TIAM2: variants seen among roughly 807,000 people sequenced by gnomAD.
The protein encoded by TIAM2 is rho guanine nucleotide exchange factor TIAM2.
Under a neutral mutation model 152.9 loss-of-function variants are expected in TIAM2, and 80 were observed. The observed-to-expected ratio is 0.52, with a 90% CI of 0.44 to 0.63. The LOEUF is 0.63. Ranked by LOEUF, TIAM2 falls within the 30% of genes least tolerant of loss-of-function variation. The probability of loss-of-function intolerance (pLI) is 0.00; values close to 1 mark genes in which losing one functional copy is unlikely to be tolerated. For synonymous variants in TIAM2, 804 were observed against 838.0 expected, an observed-to-expected ratio of 0.96 and a Z score of 0.70; for missense variants, 1,965 against 2,120.1, an observed-to-expected ratio of 0.93 and a Z score of 1.44.
rs566446238 is a variant in TIAM2, at chr6:155,252,965, T to C, written c.4137T>C (p.Pro1379=). Residue 1379 remains proline, a synonymous_variant, in exon 24 of 27, where the codon CCT becomes CCC. Transcript: ENST00000682666. Reference sequence around the variant, plus strand: ...TGTTACAGCCCTCGAATTCCCGGCCTGCACACAACTCTACTGACTTGGACC... The same window carrying C: ...TGTTACAGCCCTCGAATTCCCGGCCCGCACACAACTCTACTGACTTGGACC... ...LKKKLPSNSR[P]AHNSTDLDPF... is the part of the protein sequence containing the mutation. The C allele has an allele frequency of 3.7e-6, 6 of 1,614,194 alleles. No individual in the cohort carries two copies. The Admixed American group carries it at 1.0e-4, about 27-fold the overall frequency.
intron 8 of TIAM2, 50 bp downstream of exon 8, chr6:155,164,650 A>T (rs759766673): frequency 6.4e-6 from 10 of 1,560,958 alleles, no homozygotes; most frequent in Non-Finnish European, 2.6e-6. Context: ...AGGGCTGCGG[A>T]TGCTCCCCCT....
chr6:155,014,448 C>CT (rs968987013), intron 1 of TIAM2, among the ~76,000 whole-genome samples: 2 of 151,972 alleles, frequency 1.3e-5, no homozygotes, highest in African/African-American at 2.4e-5. Flanking sequence ...CACCGTAGTG[C>CT]TTTTTTTTCT....
At chr6:155,224,147 T>C (rs1782159308) in intron 15 of TIAM2, among the ~76,000 whole-genome samples, 2 of 152,190 alleles carry the variant, frequency 1.3e-5, no homozygotes, top group Admixed American at 1.3e-4. Flanking sequence ...ATGAAAACCT[T>C]GTACTGAGTG....
intron 2 of TIAM2, among the ~76,000 whole-genome samples, chr6:155,103,812 C>G (rs1032198610): frequency 2.0e-5 from 3 of 148,086 alleles, no homozygotes; most frequent in Non-Finnish European, 4.5e-5. Context: ...TTTTTTTGCT[C>G]TCTGATACAT....
At chr6:155,222,618 A>C (rs11754105) in intron 15 of TIAM2, among the ~76,000 whole-genome samples, 34,750 of 70,362 alleles carry the variant, frequency 0.49, 4,937 homozygotes, top group East Asian at 0.67. Context: ...AAAAACAAAC[A>C]AAAAAAAAAA....
chr6:155,144,547 A>T (rs193083881), intron 5 of TIAM2, 59 bp from the exon 6 acceptor site: 1 of 1,425,704 alleles, frequency 7.0e-7, no homozygotes, highest in Non-Finnish European at 9.2e-7. Context: ...TTACCCTCCC[A>T]GTCCTTTCCT....
chr6:155,051,781 A>C (rs1293877527), intron 1 of TIAM2, among the ~76,000 whole-genome samples: 1 of 152,010 alleles, frequency 6.6e-6, no homozygotes, highest in African/African-American at 2.4e-5. Flanking sequence ...AGTAGCTGGG[A>C]TTACAGGCGC....
At chr6:155,139,667 T>C (rs185261312) in intron 5 of TIAM2, among the ~76,000 whole-genome samples, 82 of 152,206 alleles carry the variant, frequency 5.4e-4, no homozygotes, top group African/African-American at 1.9e-3. Flanking sequence ...AGGCCAGGTG[T>C]GGTGGCTCAC....
chr6:155,230,246 C>T (rs539145100), intron 15 of TIAM2, among the ~76,000 whole-genome samples: 23 of 152,362 alleles, frequency 1.5e-4, no homozygotes, highest in East Asian at 1.4e-3. Context: ...TCATGCCCCT[C>T]GTCTTTGTGG....
chr6:155,119,515 T>G (rs1484053165), intron 2 of TIAM2, among the ~76,000 whole-genome samples: 1 of 152,104 alleles, frequency 6.6e-6, no homozygotes, highest in Non-Finnish European at 1.5e-5. Context: ...AATTTTTGTA[T>G]TTTTGGTAGA....
chr6:155,000,611 G>C (rs1778297075), intron 1 of TIAM2, among the ~76,000 whole-genome samples: 1 of 150,916 alleles, frequency 6.6e-6, no homozygotes, highest in Non-Finnish European at 1.5e-5. Context: ...TTTAAGTAGA[G>C]AACAGTAAGT....
At chr6:155,223,712 T>C (rs1478071773) in intron 15 of TIAM2, among the ~76,000 whole-genome samples, 2 of 152,116 alleles carry the variant, frequency 1.3e-5, no homozygotes, top group East Asian at 3.9e-4. Flanking sequence ...CAAACTTTTA[T>C]GGATCTCTTT....
chr6:155,171,541 G>C (rs962388633), intron 9 of TIAM2, among the ~76,000 whole-genome samples: 1 of 151,824 alleles, frequency 6.6e-6, no homozygotes, highest in South Asian at 2.1e-4. Flanking sequence ...TCTTAGTCAT[G>C]AGCTGTAAAC....
At chr6:155,023,292 G>A (rs537414705) in intron 1 of TIAM2, among the ~76,000 whole-genome samples, 64 of 152,272 alleles carry the variant, frequency 4.2e-4, no homozygotes, top group Middle Eastern at 3.4e-3. Context: ...TCAGGATGAA[G>A]TTAAGTCTAG....
intron 2 of TIAM2, among the ~76,000 whole-genome samples, chr6:155,106,796 C>T (rs1314782022): frequency 6.6e-6 from 1 of 152,246 alleles, no homozygotes; most frequent in African/African-American, 2.4e-5. Flanking sequence ...GGCCCAACAA[C>T]AGCCCAGTCA....
chr6:155,107,950 C>T (rs538468851), intron 2 of TIAM2, among the ~76,000 whole-genome samples: 14 of 152,178 alleles, frequency 9.2e-5, no homozygotes, highest in East Asian at 3.9e-4. Context: ...GCATGTAATT[C>T]GCAGAAAATT....
chr6:155,100,012 TATC>T (rs1295106263), intron 2 of TIAM2, among the ~76,000 whole-genome samples: 1 of 151,650 alleles, frequency 6.6e-6, no homozygotes, highest in Non-Finnish European at 1.5e-5. Flanking sequence ...AAAAATATGG[TATC>T]ATAATCACGT....
rs1779416804 is a variant in TIAM2, at chr6:155,130,276, CCAGTA to C, written c.1058_1062del (p.Tyr353PhefsTer14). 1 of 1,614,204 alleles carries C rather than the reference CCAGTA, an allele frequency of 6.2e-7. No homozygotes were observed. The highest frequency in any genetic ancestry group is 8.5e-7 in the Non-Finnish European group (1 of 1,180,040). On this transcript the variant is annotated frameshift_variant, in exon 4 of 27. Transcript: ENST00000682666. LOFTEE classifies it high-confidence loss of function. ...CCAGAGTGGCACACGGGGACCCCAT[CCAGTA>C]CAGTTCCTTCACTCTCCCCTGTCGG...
chr6:155,042,969 G>A (rs544231074), intron 1 of TIAM2, among the ~76,000 whole-genome samples: 7 of 152,028 alleles, frequency 4.6e-5, no homozygotes, highest in African/African-American at 1.2e-4. Context: ...AGTAGTAATC[G>A]TCATGATAAT....
Sources: gnomAD v4.1 joint callset for allele counts (sites outside exome capture counted in the v4.1 genomes callset) on GRCh38, gnomAD v4.1.1 for gene constraint, MANE v1.5 for transcripts, NCBI Gene and HGNC (gene_info 2026-07-23, HGNC 2026-07-21) for gene names.